ZC3H12B: variants seen among roughly 807,000 people sequenced by gnomAD.
ZC3H12B encodes zinc finger CCCH-type containing 12B, also known as probable ribonuclease ZC3H12B.
A neutral mutation model predicts 43.9 loss-of-function variants in ZC3H12B; 7 were observed. That is an observed-to-expected ratio of 0.16 (90% CI 0.09 to 0.30). The LOEUF is 0.30. ZC3H12B is among the 10% of genes least tolerant of loss of function. The pLI is 1.00. For missense variants in ZC3H12B, 475 were observed against 670.2 expected (o/e 0.71, Z 3.22); for synonymous variants, 222 against 241.7 (o/e 0.92, Z 0.76).
the ZC3H12B span, among the ~76,000 whole-genome samples, chrX:65,329,114 G>T: frequency 1.8e-5 from 2 of 111,246 alleles, no homozygotes; most frequent in South Asian, 7.6e-4. Context: ...GATCCCTGAG[G>T]AATCGCCACA....
At chrX:65,149,770 T>C in the ZC3H12B span, among the ~76,000 whole-genome samples, 1 of 34,907 alleles carries the variant, frequency 2.9e-5, no homozygotes, top group Non-Finnish European at 4.3e-5. Context: ...TCTCAAATAA[T>C]AATAATAATA....
At chrX:65,161,957 G>T in the ZC3H12B span, among the ~76,000 whole-genome samples, 2 of 111,541 alleles carry the variant, frequency 1.8e-5, no homozygotes, top group African/African-American at 6.5e-5. Context: ...TTTAGGGCAG[G>T]CCTGGTGGTG....
the ZC3H12B span, among the ~76,000 whole-genome samples, chrX:65,323,745 T>C: frequency 8.9e-6 from 1 of 112,032 alleles, no homozygotes; most frequent in Non-Finnish European, 1.9e-5. Flanking sequence ...TATTTCTAGT[T>C]CTAGATCCTG....
At chrX:65,260,445 T>C in the ZC3H12B span, among the ~76,000 whole-genome samples, 1 of 111,151 alleles carries the variant, frequency 9.0e-6, no homozygotes, top group African/African-American at 3.3e-5. Flanking sequence ...AGGTTAAGGA[T>C]CAAAAAACTA....
chrX:65,282,875 G>A, the ZC3H12B span, among the ~76,000 whole-genome samples: 1 of 111,608 alleles, frequency 9.0e-6, no homozygotes, highest in East Asian at 2.8e-4. Flanking sequence ...CGGATTCACA[G>A]CCGAATTCTA....
At chrX:65,055,242 T>C in the ZC3H12B span, among the ~76,000 whole-genome samples, 246 of 111,625 alleles carry the variant, frequency 2.2e-3, 2 homozygotes, top group Non-Finnish European at 4.3e-4. Context: ...TAGCTCTTAT[T>C]ATTTTGAGAT....
At chrX:65,233,079 G>T in the ZC3H12B span, among the ~76,000 whole-genome samples, 1 of 112,092 alleles carries the variant, frequency 8.9e-6, no homozygotes. Context: ...CAACACTGGA[G>T]CACACAGATG....
At chrX:65,337,438 G>A in the ZC3H12B span, among the ~76,000 whole-genome samples, 3 of 112,256 alleles carry the variant, frequency 2.7e-5, no homozygotes, top group East Asian at 8.3e-4. Context: ...CTTTTTTAAG[G>A]CCTATTGTAC....
At chrX:65,103,714 G>T in the ZC3H12B span, among the ~76,000 whole-genome samples, 1 of 111,494 alleles carries the variant, frequency 9.0e-6, no homozygotes, top group East Asian at 2.8e-4. Context: ...CATGGCTTCA[G>T]CCAGTCCCTC....
the ZC3H12B span, among the ~76,000 whole-genome samples, chrX:65,130,735 C>T: frequency 2.7e-5 from 3 of 111,421 alleles, no homozygotes; most frequent in Non-Finnish European, 5.7e-5. Context: ...TTTCCTTGGT[C>T]CAAGAACCAT....
upstream of ZC3H12B, among the ~76,000 whole-genome samples, chrX:65,365,714 G>T (rs1364409402): frequency 7.2e-5 from 8 of 111,294 alleles, no homozygotes; most frequent in East Asian, 2.0e-3. Flanking sequence ...TGACTTGCAC[G>T]TATACATCCA....
chrX:65,164,025 C>A, the ZC3H12B span, among the ~76,000 whole-genome samples: 1 of 112,011 alleles, frequency 8.9e-6, no homozygotes, highest in Non-Finnish European at 1.9e-5. Flanking sequence ...CTGATGATTT[C>A]TCTTTGCTCA....
chrX:65,408,068 G>A, intron 3 of ZC3H12B: 1 of 1,182,502 alleles, frequency 8.5e-7, no homozygotes, highest in Non-Finnish European at 1.1e-6. Context: ...CAGAGCCCCG[G>A]CCGCCGCCAG....
At chrX:65,269,561 G>C in the ZC3H12B span, among the ~76,000 whole-genome samples, 15 of 110,682 alleles carry the variant, frequency 1.4e-4, no homozygotes, top group South Asian at 1.5e-3. Flanking sequence ...GTGCAGTGAT[G>C]TGATTATGAC....
the ZC3H12B span, among the ~76,000 whole-genome samples, chrX:65,076,700 A>G: frequency 2.9e-5 from 3 of 104,481 alleles, no homozygotes; most frequent in Non-Finnish European, 5.9e-5. Context: ...GTGAGTTTTA[A>G]ATTTTATTTT....
chrX:65,326,610 A>G, the ZC3H12B span, among the ~76,000 whole-genome samples: 4 of 110,302 alleles, frequency 3.6e-5, no homozygotes, highest in Non-Finnish European at 7.6e-5. Context: ...CAGCATGACC[A>G]TAGTTTTCAA....
At chrX:65,398,186 C>T (rs1024540196) in intron 2 of ZC3H12B, among the ~76,000 whole-genome samples, 1 of 111,449 alleles carries the variant, frequency 9.0e-6, no homozygotes, top group African/African-American at 3.3e-5. Flanking sequence ...TTTAAAATGT[C>T]CATTTTACCC....
chrX:65,377,397 C>T (rs1317118545), intron 2 of ZC3H12B, among the ~76,000 whole-genome samples: 4 of 109,815 alleles, frequency 3.6e-5, no homozygotes, highest in Non-Finnish European at 7.6e-5. Flanking sequence ...GGAAAAAAAT[C>T]GATATCTAAG....
At chrX:65,375,269 G>T (rs2066330654) in intron 2 of ZC3H12B, among the ~76,000 whole-genome samples, 1 of 112,069 alleles carries the variant, frequency 8.9e-6, no homozygotes, top group African/African-American at 3.2e-5. Flanking sequence ...ACCAGCCCCA[G>T]CCAGAGGGGA....
Sources: gnomAD v4.1 joint callset for allele counts (sites outside exome capture counted in the v4.1 genomes callset) on GRCh38, gnomAD v4.1.1 for gene constraint, MANE v1.5 for transcripts, NCBI Gene and HGNC (gene_info 2026-07-23, HGNC 2026-07-21) for gene names.